CAMK4: variants seen among roughly 807,000 people sequenced by gnomAD.
CAMK4 encodes calcium/calmodulin-dependent protein kinase type IV.
In CAMK4, 22 loss-of-function variants were observed where a neutral mutation model predicts 44.9. The observed-to-expected ratio is 0.49, with a 90% CI of 0.35 to 0.70. The LOEUF is 0.70. Among genes scored for constraint, CAMK4 ranks in the 30% least tolerant of loss-of-function variants. CAMK4 has a pLI of 0.01. For missense variants in CAMK4, 498 were observed against 586.8 expected, an observed-to-expected ratio of 0.85 and a Z score of 1.56; for synonymous variants, 218 against 215.4, an observed-to-expected ratio of 1.01 and a Z score of -0.11.
At chr5:111,355,823 G>A (rs1276969642) in intron 2 of CAMK4, among the ~76,000 whole-genome samples, 1 of 148,142 alleles carries the variant, frequency 6.8e-6, no homozygotes, top group Non-Finnish European at 1.5e-5. Flanking sequence ...CCCTACAAAG[G>A]ACATGAACTC....
chr5:111,329,615 T>C (rs1043510502), intron 1 of CAMK4, among the ~76,000 whole-genome samples: 3 of 151,768 alleles, frequency 2.0e-5, no homozygotes, highest in African/African-American at 7.3e-5. Flanking sequence ...AACCCAGAAG[T>C]ATAAATAATA....
chr5:111,447,215 G>A (rs112915172), intron 6 of CAMK4, among the ~76,000 whole-genome samples: 6 of 152,208 alleles, frequency 3.9e-5, no homozygotes, highest in Non-Finnish European at 2.9e-5. Flanking sequence ...GCTTTGAGTC[G>A]CTTGTTTATA....
At chr5:111,445,489 C>T (rs957293456) in intron 5 of CAMK4, among the ~76,000 whole-genome samples, 4 of 151,988 alleles carry the variant, frequency 2.6e-5, no homozygotes, top group Admixed American at 6.6e-5. Flanking sequence ...AGTGCAGTGG[C>T]ATGATCATGG....
intron 4 of CAMK4, among the ~76,000 whole-genome samples, chr5:111,380,571 G>T (rs926946357): frequency 6.6e-6 from 1 of 152,048 alleles, no homozygotes; most frequent in African/African-American, 2.4e-5. Context: ...GTGTCCATGT[G>T]TTCTCATCAT....
rs192490570 is a variant in CAMK4, at chr5:111,482,469, T to C, written c.829-316T>C. On this transcript the variant is annotated intron_variant, in intron 9 of 10. Transcript: ENST00000282356. The surrounding 1 kb of genome is among the most constrained non-coding windows in gnomAD (Gnocchi z 4.9). ...GATTGTGAAGCGCAGCCCAGAATTA[T>C]TTTGCTGGTTCTGCCTTCAAAGAAC... 1.3e-4 allele frequency: 26 copies of C among 204,502 alleles called. No individual in the cohort carries two copies. In the East Asian group the frequency reaches 2.7e-3, roughly 21 times the overall value. 12.7% of individuals were successfully genotyped at this position (204,502 alleles called of 1,614,324 possible). A position where few individuals can be genotyped will look rare whatever the true frequency, so the allele number is the denominator to read the frequency against.
intron 5 of CAMK4, among the ~76,000 whole-genome samples, chr5:111,408,873 A>G (rs1752530921): frequency 6.6e-6 from 1 of 152,178 alleles, no homozygotes; most frequent in East Asian, 1.9e-4. Flanking sequence ...AAAATCTTAA[A>G]GCTCTGAAAT....
At chr5:111,229,761 T>C (rs1748374739) in intron 1 of CAMK4, among the ~76,000 whole-genome samples, 1 of 152,228 alleles carries the variant, frequency 6.6e-6, no homozygotes, top group Admixed American at 6.5e-5. Context: ...ATTAAAAATA[T>C]ACTTGTGCCA....
chr5:111,458,731 T>G (rs1390760050), intron 7 of CAMK4, among the ~76,000 whole-genome samples: 1 of 151,782 alleles, frequency 6.6e-6, no homozygotes, highest in Admixed American at 6.6e-5. Flanking sequence ...TAAGCAAAAA[T>G]TTGAGAGAGG....
In CAMK4 at chr5:111,320,221, A is replaced by G. The variant is rs548515588; in HGVS notation, c.162-23803A>G. Among the ~76,000 whole-genome samples the G allele has an allele frequency of 7.9e-5, 12 of 152,286 alleles. No homozygotes were observed. The South Asian group carries it at 1.2e-3, about 16-fold the overall frequency. On this transcript the variant is annotated intron_variant, in intron 1 of 10. Coordinates refer to ENST00000282356, the MANE Select transcript of CAMK4 (RefSeq NM_001744.6). ...GAAGAAAGAATGAGCAAGATGGCAC[A>G]TGGTCTCACATGACATGCTGAGGAA...
intron 7 of CAMK4, among the ~76,000 whole-genome samples, chr5:111,460,394 C>A (rs2112465591): frequency 6.6e-6 from 1 of 151,344 alleles, no homozygotes; most frequent in East Asian, 2.0e-4. Flanking sequence ...GCCTCAGCCT[C>A]CTGAGTAGCT....
In CAMK4 at chr5:111,490,107, A is replaced by G. The variant is rs1302205989; in HGVS notation, c.*5641A>G. 1.3e-5 allele frequency: 2 copies of G among 152,196 alleles called. No homozygotes were observed. Among genetic ancestry groups the G allele is most frequent in the Non-Finnish European group, 2.9e-5 (2 of 68,038 alleles). The allele number at this position is 152,196 out of a possible 1,614,324, so 9.4% of individuals were successfully genotyped here. A position where few individuals can be genotyped will look rare whatever the true frequency, so the allele number is the denominator to read the frequency against. ...ATTCATTGTGTCAAAATAACATTTA[A>G]TTTTCACTCTGATTAATCTTTATTT... On this transcript the variant is annotated 3_prime_UTR_variant, in exon 11 of 11. Coordinates refer to ENST00000282356, the MANE Select transcript of CAMK4 (RefSeq NM_001744.6).
At chr5:111,322,145 A>G (rs1306560615) in intron 1 of CAMK4, among the ~76,000 whole-genome samples, 2 of 152,108 alleles carry the variant, frequency 1.3e-5, no homozygotes, top group African/African-American at 4.8e-5. Context: ...GAGAAGGGAA[A>G]CACAGGTGAG....
At chr5:111,308,704 T>A (rs1179730800) in intron 1 of CAMK4, among the ~76,000 whole-genome samples, 2 of 152,222 alleles carry the variant, frequency 1.3e-5, no homozygotes, top group African/African-American at 4.8e-5. Context: ...TCTCCTAGAA[T>A]CATTTATGTT....
intron 1 of CAMK4, among the ~76,000 whole-genome samples, chr5:111,269,524 G>C (rs1330739294): frequency 6.6e-6 from 1 of 152,042 alleles, no homozygotes; most frequent in African/African-American, 2.4e-5. Context: ...TCTGTTTTTG[G>C]AAATAGTGGC....
At chr5:111,228,509 G>GTGT (rs1748305006) in intron 1 of CAMK4, among the ~76,000 whole-genome samples, 3 of 145,254 alleles carry the variant, frequency 2.1e-5, no homozygotes, top group African/African-American at 7.7e-5. Flanking sequence ...CATAGTAAGG[G>GTGT]GTGTGTGTGT....
chr5:111,359,192 T>C (rs1750500222), intron 2 of CAMK4, among the ~76,000 whole-genome samples: 1 of 152,140 alleles, frequency 6.6e-6, no homozygotes, highest in Non-Finnish European at 1.5e-5. Flanking sequence ...ACCAACAGTG[T>C]ATGAGTGTTC....
chr5:111,242,755 C>T (rs1280223780), intron 1 of CAMK4, among the ~76,000 whole-genome samples: 1 of 152,174 alleles, frequency 6.6e-6, no homozygotes, highest in Non-Finnish European at 1.5e-5. Flanking sequence ...TATTTTTCCT[C>T]ACCCAGGATG....
chr5:111,391,261 G>T (rs774066492), intron 4 of CAMK4, among the ~76,000 whole-genome samples: 2 of 151,960 alleles, frequency 1.3e-5, no homozygotes, highest in South Asian at 2.1e-4. Flanking sequence ...AAGAATGAGG[G>T]CATATTTTTG....
intron 1 of CAMK4, among the ~76,000 whole-genome samples, chr5:111,275,745 T>C (rs966796825): frequency 6.6e-6 from 1 of 152,114 alleles, no homozygotes; most frequent in African/African-American, 2.4e-5. Flanking sequence ...GTTAATAGTT[T>C]ATTGCATATT....
Sources: gnomAD v4.1 joint callset for allele counts (sites outside exome capture counted in the v4.1 genomes callset) on GRCh38, gnomAD v4.1.1 for gene constraint, Gnocchi (gnomAD v3.1) non-coding constraint, MANE v1.5 for transcripts, NCBI Gene and HGNC (gene_info 2026-07-23, HGNC 2026-07-21) for gene names.